KCNH7: variants seen among roughly 807,000 people sequenced by gnomAD.
KCNH7 encodes potassium voltage-gated channel subfamily H member 7, also known as voltage-gated inwardly rectifying potassium channel KCNH7.
KCNH7 carries 49 observed loss-of-function variants against 120.8 expected under a neutral mutation model. The ratio of observed to expected loss-of-function variants is 0.41; its 90% CI spans 0.32 to 0.51. The LOEUF (loss-of-function observed/expected upper bound fraction) is 0.51. Among genes scored for constraint, KCNH7 ranks in the 20% least tolerant of loss-of-function variants. KCNH7 has a pLI of 0.38. For missense variants in KCNH7, 1,097 were observed against 1,446.6 expected (o/e 0.76, Z 3.92); for synonymous variants, 547 against 516.1 (o/e 1.06, Z -0.81).
At chr2:162,391,827 A>T (rs958406889) in intron 12 of KCNH7, among the ~76,000 whole-genome samples, 1 of 152,072 alleles carries the variant, frequency 6.6e-6, no homozygotes, top group African/African-American at 2.4e-5. Flanking sequence ...CATTTCCAGT[A>T]AGACAAACAT....
At chr2:162,791,081 T>C (rs1048167960) in intron 2 of KCNH7, among the ~76,000 whole-genome samples, 2 of 151,970 alleles carry the variant, frequency 1.3e-5, no homozygotes, top group East Asian at 1.9e-4. Flanking sequence ...CTAAAGACTA[T>C]ACCAACAAAT....
intron 2 of KCNH7, among the ~76,000 whole-genome samples, chr2:162,608,010 C>A (rs1682838555): frequency 6.6e-6 from 1 of 152,120 alleles, no homozygotes; most frequent in Admixed American, 6.5e-5. Context: ...GTTTCTAGAC[C>A]TAATAAACGT....
At chr2:162,710,618 G>T (rs138597580) in intron 2 of KCNH7, among the ~76,000 whole-genome samples, 154 of 152,274 alleles carry the variant, frequency 1.0e-3, no homozygotes, top group African/African-American at 3.6e-3. Flanking sequence ...AAGCCTTCGG[G>T]GAAAGTTGTA....
At chr2:162,553,674 GA>G (rs1692760675) in intron 2 of KCNH7, among the ~76,000 whole-genome samples, 1 of 151,758 alleles carries the variant, frequency 6.6e-6, no homozygotes, top group Non-Finnish European at 1.5e-5. Context: ...GAAAAGAAAA[GA>G]AAAAAATGTC....
At chr2:162,836,893 C>CCCCCCCA in intron 1 of KCNH7, 126 bp from the exon 2 acceptor site, 1 of 602,448 alleles carries the variant, frequency 1.7e-6, no homozygotes, top group Non-Finnish European at 2.9e-6. Flanking sequence ...CTAATCTCTC[C>CCCCCCCA]AGCCCTTATG....
At chr2:162,572,943 T>C (rs1693539517) in intron 2 of KCNH7, among the ~76,000 whole-genome samples, 1 of 152,100 alleles carries the variant, frequency 6.6e-6, no homozygotes, top group Non-Finnish European at 1.5e-5. Flanking sequence ...ATATACCTAA[T>C]GCTAGATGAC....
At chr2:162,444,605 TACA>T (rs2105551199) in intron 7 of KCNH7, among the ~76,000 whole-genome samples, 1 of 152,284 alleles carries the variant, frequency 6.6e-6, no homozygotes, top group Non-Finnish European at 1.5e-5. Context: ...ACAAACTTCT[TACA>T]ACTTCTCCCA....
chr2:162,677,253 A>G (rs1290384652), intron 2 of KCNH7, among the ~76,000 whole-genome samples: 1 of 151,530 alleles, frequency 6.6e-6, no homozygotes, highest in African/African-American at 2.4e-5. Context: ...TGCCAGTGTC[A>G]TCACATTATT....
chr2:162,743,638 C>T (rs1448353015), intron 2 of KCNH7, among the ~76,000 whole-genome samples: 1 of 152,056 alleles, frequency 6.6e-6, no homozygotes, highest in Non-Finnish European at 1.5e-5. Flanking sequence ...TGCAGTGGCT[C>T]TGTAAATCAA....
At chr2:162,745,184 C>G (rs1285905171) in intron 2 of KCNH7, among the ~76,000 whole-genome samples, 1 of 152,086 alleles carries the variant, frequency 6.6e-6, no homozygotes, top group African/African-American at 2.4e-5. Flanking sequence ...CATTAGAGAC[C>G]AGAGAGAGCA....
At chr2:162,582,060 C>T (rs1446595651) in intron 2 of KCNH7, among the ~76,000 whole-genome samples, 2 of 151,982 alleles carry the variant, frequency 1.3e-5, no homozygotes, top group Non-Finnish European at 2.9e-5. Flanking sequence ...AACTGAAGTG[C>T]GATTTAGACA....
chr2:162,595,313 G>T (rs1042842701), intron 2 of KCNH7, among the ~76,000 whole-genome samples: 2 of 151,828 alleles, frequency 1.3e-5, no homozygotes, highest in African/African-American at 4.8e-5. Context: ...GAACAGCATG[G>T]GGTAAACTGC....
intron 2 of KCNH7, among the ~76,000 whole-genome samples, chr2:162,668,728 G>T (rs1482348854): frequency 6.6e-6 from 1 of 151,742 alleles, no homozygotes; most frequent in Non-Finnish European, 1.5e-5. Context: ...AAAGGCAGTA[G>T]GAAAAAAAGG....
chr2:162,823,573 T>C (rs1685188644), intron 2 of KCNH7, among the ~76,000 whole-genome samples: 1 of 152,210 alleles, frequency 6.6e-6, no homozygotes, highest in Non-Finnish European at 1.5e-5. Flanking sequence ...AAGAAGGCCC[T>C]GCCTGGTTAT....
intron 9 of KCNH7, among the ~76,000 whole-genome samples, chr2:162,413,983 A>C (rs1687469739): frequency 6.6e-6 from 1 of 152,044 alleles, no homozygotes; most frequent in African/African-American, 2.4e-5. Context: ...TAAAAAAGCC[A>C]AATAATATGT....
chr2:162,708,971 T>G (rs1256835772), intron 2 of KCNH7, among the ~76,000 whole-genome samples: 1 of 152,094 alleles, frequency 6.6e-6, no homozygotes, highest in African/African-American at 2.4e-5. Flanking sequence ...ATCTTGTTAG[T>G]GCTACTATTT....
intron 2 of KCNH7, among the ~76,000 whole-genome samples, chr2:162,801,788 T>G (rs1243876893): frequency 1.3e-5 from 2 of 151,732 alleles, no homozygotes; most frequent in Non-Finnish European, 3.0e-5. Context: ...AATCCCCATC[T>G]AGAGTCCTGC....
At chr2:162,670,408 A>G (rs1685304101) in intron 2 of KCNH7, among the ~76,000 whole-genome samples, 1 of 128,650 alleles carries the variant, frequency 7.8e-6, no homozygotes, top group African/African-American at 2.9e-5. Context: ...CGGGAGGTGG[A>G]GTTGCAGTGG....
At chr2:162,455,317 C>T (rs768653790) in intron 6 of KCNH7, among the ~76,000 whole-genome samples, 10 of 151,960 alleles carry the variant, frequency 6.6e-5, no homozygotes, top group Non-Finnish European at 1.3e-4. Context: ...CTTTTTGATG[C>T]CCTGCTGGAT....
Sources: gnomAD v4.1 joint callset for allele counts (sites outside exome capture counted in the v4.1 genomes callset) on GRCh38, gnomAD v4.1.1 for gene constraint, MANE v1.5 for transcripts, NCBI Gene and HGNC (gene_info 2026-07-23, HGNC 2026-07-21) for gene names.